CDH13: variants seen among roughly 807,000 people sequenced by gnomAD.
CDH13 encodes the protein cadherin-13.
In CDH13, 24 loss-of-function variants were observed where a neutral mutation model predicts 63.8. The ratio of observed to expected loss-of-function variants is 0.38; its 90% CI spans 0.27 to 0.53. The LOEUF is 0.53. CDH13 is among the 20% of genes least tolerant of loss of function. The probability of loss-of-function intolerance (pLI) is 0.85; values close to 1 mark genes in which losing one functional copy is unlikely to be tolerated. For missense variants in CDH13, 1,049 were observed against 903.1 expected (o/e 1.16, Z -2.07); for synonymous variants, 503 against 355.3 (o/e 1.42, Z -4.67).
chr16:82,663,728 G>A (rs1337205399), intron 1 of CDH13, among the ~76,000 whole-genome samples: 2 of 152,160 alleles, frequency 1.3e-5, no homozygotes, highest in Non-Finnish European at 2.9e-5. Context: ...TCTGATTCGT[G>A]TCCATTTGGT....
At chr16:83,524,181 C>G (rs1442779633) in intron 7 of CDH13, among the ~76,000 whole-genome samples, 2 of 152,090 alleles carry the variant, frequency 1.3e-5, no homozygotes. Flanking sequence ...GCACGACAAC[C>G]AAGAGAATTT....
intron 4 of CDH13, among the ~76,000 whole-genome samples, chr16:83,164,554 C>G (rs1310531314): frequency 1.3e-5 from 2 of 151,922 alleles, no homozygotes; most frequent in Admixed American, 6.6e-5. Context: ...AACCCCATCT[C>G]TACTAAAAAT....
At chr16:82,838,598 C>T (rs1367915890) in intron 1 of CDH13, among the ~76,000 whole-genome samples, 1 of 152,190 alleles carries the variant, frequency 6.6e-6, no homozygotes. Context: ...TCTCATCTTT[C>T]CTCAATTGTG....
intron 5 of CDH13, among the ~76,000 whole-genome samples, chr16:83,222,758 A>C (rs56284088): frequency 0.097 from 14,733 of 152,232 alleles, 874 homozygotes; most frequent in Middle Eastern, 0.16. Flanking sequence ...TTTATTAAAG[A>C]GTACAGGTAG....
chr16:83,015,041 C>G (rs1377753119), intron 2 of CDH13, among the ~76,000 whole-genome samples: 2 of 150,888 alleles, frequency 1.3e-5, no homozygotes, highest in Non-Finnish European at 2.9e-5. Flanking sequence ...TCTATATAAA[C>G]TGATGTAAAA....
chr16:83,087,574 A>G (rs1434711040), intron 3 of CDH13, among the ~76,000 whole-genome samples: 10 of 150,122 alleles, frequency 6.7e-5, no homozygotes, highest in Admixed American at 4.7e-4. Context: ...AGGCTGATGC[A>G]GCAGACTCAC....
chr16:83,552,415 C>T (rs1244723633), intron 7 of CDH13, among the ~76,000 whole-genome samples: 1 of 152,180 alleles, frequency 6.6e-6, no homozygotes, highest in Non-Finnish European at 1.5e-5. Context: ...GGAGGATGCA[C>T]CAATTGCTCG....
At chr16:82,816,231 T>A (rs1182222599) in intron 1 of CDH13, among the ~76,000 whole-genome samples, 2 of 152,154 alleles carry the variant, frequency 1.3e-5, no homozygotes, top group Non-Finnish European at 1.5e-5. Context: ...ATCCTTGTTC[T>A]TCCCACTATC....
At position 82,933,420 on chromosome 16, in the gene CDH13, C is replaced by G. The variant is rs372022876; in HGVS notation, c.157+74947C>G. Among the ~76,000 whole-genome samples the G allele has an allele frequency of 4.1e-4, 63 of 152,256 alleles. 1 individual carries two copies. The East Asian group carries it at 9.1e-3, about 22-fold the overall frequency. On this transcript the variant is annotated intron_variant, in intron 2 of 13. Coordinates refer to ENST00000567109, the MANE Select transcript of CDH13 (RefSeq NM_001257.5). The stretch of plus-strand genomic sequence containing the variant: ...GATCCAATCACCACTCATGAGGTCC[C>G]TCCCCCAACACGTGGGGATTACAAT...
intron 1 of CDH13, among the ~76,000 whole-genome samples, chr16:82,638,823 T>TGTGTGTGTGTGTGTGTGTGTGCGC (rs139451683): frequency 3.0e-4 from 45 of 150,904 alleles, no homozygotes; most frequent in African/African-American, 9.5e-4. Context: ...GGGCAGTGTG[T>TGTGTGTGTGTGTGTGTGTGTGCGC]GCGTGTGTGC....
intron 1 of CDH13, among the ~76,000 whole-genome samples, chr16:82,641,195 G>A (rs996208596): frequency 2.0e-5 from 3 of 152,260 alleles, no homozygotes; most frequent in Non-Finnish European, 4.4e-5. Context: ...GTATTCACTC[G>A]CCCTTATCTT....
chr16:83,754,003 C>T (rs1913302110), intron 11 of CDH13, among the ~76,000 whole-genome samples: 1 of 151,650 alleles, frequency 6.6e-6, no homozygotes, highest in South Asian at 2.1e-4. Flanking sequence ...TCAGGCTTGG[C>T]CCATGCAGAG....
intron 11 of CDH13, 92 bp downstream of exon 11, chr16:83,748,342 T>TA: frequency 4.1e-6 from 5 of 1,208,912 alleles, no homozygotes; most frequent in African/African-American, 1.5e-5. Context: ...CCCAGGGGTG[T>TA]TCTTGGGAAG....
intron 2 of CDH13, among the ~76,000 whole-genome samples, chr16:82,890,233 C>G (rs1338327606): frequency 1.3e-5 from 2 of 152,106 alleles, no homozygotes; most frequent in East Asian, 3.9e-4. Flanking sequence ...GAGAGCCTGT[C>G]CCAAAAGAAA....
At chr16:83,065,395 T>C (rs886913651) in intron 3 of CDH13, among the ~76,000 whole-genome samples, 1 of 152,088 alleles carries the variant, frequency 6.6e-6, no homozygotes, top group Non-Finnish European at 1.5e-5. Flanking sequence ...TGCTGCTAAT[T>C]CAAAGAAACA....
intron 6 of CDH13, among the ~76,000 whole-genome samples, chr16:83,363,931 C>A (rs1156308803): frequency 6.6e-6 from 1 of 152,142 alleles, no homozygotes; most frequent in Non-Finnish European, 1.5e-5. Context: ...TAAGCACCTA[C>A]AGTGGACAGA....
chr16:83,380,660 T>G (rs1183876596), intron 6 of CDH13, among the ~76,000 whole-genome samples: 2 of 152,126 alleles, frequency 1.3e-5, no homozygotes, highest in African/African-American at 4.8e-5. Context: ...ACTTCATGGC[T>G]CAAGGTGGCT....
intron 1 of CDH13, among the ~76,000 whole-genome samples, chr16:82,792,254 C>T (rs1160220961): frequency 6.6e-6 from 1 of 152,178 alleles, no homozygotes; most frequent in Non-Finnish European, 1.5e-5. Context: ...AACTGTCTGC[C>T]TTTCCCAGTA....
At chr16:83,157,590 C>G (rs1033225664) in intron 4 of CDH13, among the ~76,000 whole-genome samples, 3 of 152,092 alleles carry the variant, frequency 2.0e-5, no homozygotes, top group Non-Finnish European at 4.4e-5. Flanking sequence ...ACCACATTGC[C>G]TAAGCAGTAA....
Sources: gnomAD v4.1 joint callset for allele counts (sites outside exome capture counted in the v4.1 genomes callset) on GRCh38, gnomAD v4.1.1 for gene constraint, MANE v1.5 for transcripts, NCBI Gene and HGNC (gene_info 2026-07-23, HGNC 2026-07-21) for gene names.